C1D: variants seen among roughly 807,000 people sequenced by gnomAD.
The protein encoded by C1D is C1D nuclear receptor corepressor.
In C1D, 10 loss-of-function variants were observed where a neutral mutation model predicts 17.5. That is an observed-to-expected ratio of 0.57 (90% CI 0.35 to 0.97). The LOEUF is 0.97. Ranked by LOEUF, C1D falls within the 50% of genes least tolerant of loss-of-function variation. The pLI is 0.01. For missense variants in C1D, 136 were observed against 160.1 expected (o/e 0.85, Z 0.81); for synonymous variants, 49 against 54.0 (o/e 0.91, Z 0.40).
intron 1 of C1D, chr2:68,053,384 T>A (rs1320785647): frequency 2.8e-5 from 18 of 639,404 alleles, no homozygotes; most frequent in Non-Finnish European, 3.9e-5. Flanking sequence ...CCTTTAATTC[T>A]CCACTTCAGG....
chr2:68,049,783 A>G (rs1011148799), intron 1 of C1D, among the ~76,000 whole-genome samples: 4 of 152,244 alleles, frequency 2.6e-5, no homozygotes, highest in African/African-American at 9.6e-5. Flanking sequence ...AAATATTTAC[A>G]TCATCTAAAT....
chr2:68,051,427 ATGGAAGGAC>A (rs1229494453), intron 1 of C1D, among the ~76,000 whole-genome samples: 1 of 152,132 alleles, frequency 6.6e-6, no homozygotes, highest in Admixed American at 6.5e-5. Context: ...GGAGGTCAAG[ATGGAAGGAC>A]TGTTTGAGCC....
At chr2:68,051,385 C>G (rs1244814474) in intron 1 of C1D, among the ~76,000 whole-genome samples, 2 of 152,026 alleles carry the variant, frequency 1.3e-5, no homozygotes, top group East Asian at 3.9e-4. Flanking sequence ...AGGCTGGGTG[C>G]AGTGGCTTAT....
At chr2:68,046,633 T>C (rs1671130000) in intron 2 of C1D, 1 of 472,736 alleles carries the variant, frequency 2.1e-6, no homozygotes, top group Non-Finnish European at 3.7e-6. Context: ...CCTTAGGGTA[T>C]CATCTTTAGT....
chr2:68,060,150 T>C (rs1671577085), intron 1 of C1D, among the ~76,000 whole-genome samples: 1 of 152,244 alleles, frequency 6.6e-6, no homozygotes, highest in Non-Finnish European at 1.5e-5. Flanking sequence ...ACTTTCAATC[T>C]GTAAGCAATT....
rs1259234825 is a variant in C1D, at chr2:68,047,198, A to G, written c.113T>C (p.Val38Ala). Reference protein sequence around the residue: ...VDEMLKTMMSVSRNELLQKLD... With the variant: ...VDEMLKTMMSASRNELLQKLD... ...CTTCTGCAACAACTCATTTCTAGAA[A>G]CAGACATCATGGTCTTCAGCATCTC... The change falls in exon 2 of 5, where the codon GTT becomes GCT. Residue 38 changes from valine to alanine, a missense_variant. Transcript: ENST00000410067. The G allele has an allele frequency of 1.9e-6, 3 of 1,607,004 alleles. No homozygotes were observed. The African/African-American group carries it at 4.0e-5, about 22-fold the overall frequency.
chr2:68,052,645 A>G (rs942810986), intron 1 of C1D, among the ~76,000 whole-genome samples: 1 of 152,200 alleles, frequency 6.6e-6, no homozygotes, highest in Admixed American at 6.5e-5. Flanking sequence ...GTAAGTAAGA[A>G]TAACTGCCCT....
chr2:68,046,017 G>T lies in C1D; in HGVS notation c.232C>A (p.Pro78Thr). Residue 78 changes from proline to threonine, a missense_variant, in exon 4 of 5, where the codon CCT becomes ACT. By Grantham distance (38) the Pro-to-Thr change is conservative (BLOSUM62 -1). Coordinates refer to ENST00000410067, the MANE Select transcript of C1D (RefSeq NM_173177.3). ...TCCTGTTTTACTGGATGTTCCTTAGGATTAACTCCTTGGGTTGCCAAATAA... is the reference window on the plus strand; with the variant it reads ...TCCTGTTTTACTGGATGTTCCTTAGTATTAACTCCTTGGGTTGCCAAATAA... ...WVYLATQGVN[P>T]KEHPVKQELE... 1.3e-6 allele frequency: 2 copies of T among 1,589,352 alleles called. No individual in the cohort carries two copies. Among genetic ancestry groups the T allele is most frequent in the South Asian group, 1.2e-5 (1 of 86,818 alleles).
At position 68,043,564 on chromosome 2, in the gene C1D, A is replaced by G. The variant is rs146814707; in HGVS notation, c.262-511T>C. Among the ~76,000 whole-genome samples, 102 of 152,326 alleles carry G rather than the reference A, an allele frequency of 6.7e-4. 2 individuals carry two copies. The East Asian group carries it at 0.019, about 28-fold the overall frequency. ...ATTAGGGAGAATGAAAATACAAATT[A>G]TTCAATTTTATAATTTTGGTAAGTA... On this transcript the variant is annotated intron_variant, in intron 4 of 4. Coordinates refer to ENST00000410067, the MANE Select transcript of C1D (RefSeq NM_173177.3).
intron 4 of C1D, among the ~76,000 whole-genome samples, chr2:68,043,880 C>G (rs775217179): frequency 1.3e-5 from 2 of 152,226 alleles, no homozygotes; most frequent in East Asian, 3.8e-4. Flanking sequence ...CTAGTGACGT[C>G]CCATTTCTGT....
chr2:68,047,087 T>G, intron 2 of C1D, 86 bp downstream of exon 2: 1 of 1,260,092 alleles, frequency 7.9e-7, no homozygotes, highest in Non-Finnish European at 1.1e-6. Context: ...GCATAGGTCA[T>G]TAATCTGTTT....
intron 1 of C1D, among the ~76,000 whole-genome samples, chr2:68,051,683 G>A (rs1385556109): frequency 6.6e-6 from 1 of 151,672 alleles, no homozygotes; most frequent in East Asian, 1.9e-4. Flanking sequence ...CCTCCCTTTG[G>A]GCTTCTCTCC....
intron 1 of C1D, among the ~76,000 whole-genome samples, chr2:68,054,849 C>G (rs2103810614): frequency 6.6e-6 from 1 of 151,880 alleles, no homozygotes; most frequent in South Asian, 2.1e-4. Flanking sequence ...ACCAGTAGTC[C>G]TAGCTACTCA....
chr2:68,049,014 T>C (rs1387103613), intron 1 of C1D, among the ~76,000 whole-genome samples: 3 of 151,896 alleles, frequency 2.0e-5, no homozygotes, highest in Non-Finnish European at 4.4e-5. Flanking sequence ...CTGGCCAACA[T>C]AGTGAAACCC....
At position 68,042,926 on chromosome 2, in the gene C1D, G is replaced by A. The variant is rs890361985; in HGVS notation, c.389C>T (p.Ala130Val). 2.6e-5 allele frequency: 41 copies of A among 1,552,894 alleles called. No homozygotes were observed. Among genetic ancestry groups the A allele is most frequent in the African/African-American group, 4.3e-5 (3 of 70,006 alleles). Reference protein sequence around the residue: ...NALWEPKSKNASKVANKGKSK... With the variant: ...NALWEPKSKNVSKVANKGKSK... ...TTTTCCTTTATTGGCAACTTTTGATGCATTTTTCGATTTTGGTTCCCAGAG... is the reference window on the plus strand; with the variant it reads ...TTTTCCTTTATTGGCAACTTTTGATACATTTTTCGATTTTGGTTCCCAGAG... The change falls in exon 5 of 5, where the codon GCA becomes GTA. Residue 130 changes from alanine (A) to valine (V), a missense_variant. Physicochemically the swap from Ala to Val is moderately conservative, Grantham distance 64. Coordinates refer to ENST00000410067, the MANE Select transcript of C1D (RefSeq NM_173177.3).
chr2:68,049,119 C>T (rs1283332949), intron 1 of C1D, among the ~76,000 whole-genome samples: 1 of 151,780 alleles, frequency 6.6e-6, no homozygotes, highest in Non-Finnish European at 1.5e-5. Context: ...ACTGCTTGAA[C>T]CTGGGAGGTG....
In C1D at chr2:68,060,444, C is replaced by G. The variant is rs181406343; in HGVS notation, c.-10+2514G>C. Among the ~76,000 whole-genome samples, 542 of 152,268 alleles carry G rather than the reference C, an allele frequency of 3.6e-3. 2 individuals carry two copies. The highest frequency in any genetic ancestry group is 0.013 in the African/African-American group (528 of 41,538). On this transcript the variant is annotated intron_variant, in intron 1 of 4. Coordinates refer to ENST00000410067, the MANE Select transcript of C1D (RefSeq NM_173177.3). ...ATCACCTGAGGTCAGGGGTTCGAGA[C>G]CAGCCTGGCCAACATGGTGAAACCC...
chr2:68,054,397 G>C (rs369942591), intron 1 of C1D, among the ~76,000 whole-genome samples: 63 of 152,284 alleles, frequency 4.1e-4, no homozygotes, highest in African/African-American at 1.4e-3. Flanking sequence ...GGCAGGCTAT[G>C]AAGGGAGGAA....
chr2:68,060,342 C>T (rs899832086), intron 1 of C1D, among the ~76,000 whole-genome samples: 9 of 152,158 alleles, frequency 5.9e-5, no homozygotes, highest in African/African-American at 2.2e-4. Flanking sequence ...AGAGAAGATT[C>T]TATTAAAACG....
Sources: gnomAD v4.1 joint callset for allele counts (sites outside exome capture counted in the v4.1 genomes callset) on GRCh38, gnomAD v4.1.1 for gene constraint, MANE v1.5 for transcripts, NCBI Gene and HGNC (gene_info 2026-07-23, HGNC 2026-07-21) for gene names.